The following CSMD1 variants were observed in gnomAD, a reference collection of about 807,000 sequenced individuals.
The protein encoded by CSMD1 is CUB and Sushi multiple domains 1, also known as CUB and sushi domain-containing protein 1.
CSMD1 carries 213 observed loss-of-function variants against 417.5 expected under a neutral mutation model. That is an observed-to-expected ratio of 0.51 (90% CI 0.46 to 0.57). The LOEUF is 0.57. Ranked by LOEUF, CSMD1 falls within the 20% of genes least tolerant of loss-of-function variation. The pLI is 0.00. For missense variants in CSMD1, 6,923 were observed against 4,529.7 expected, an observed-to-expected ratio of 1.53 and a Z score of -15.17; for synonymous variants, 2,862 against 1,736.8, an observed-to-expected ratio of 1.65 and a Z score of -16.11.
intron 26 of CSMD1, among the ~76,000 whole-genome samples, chr8:3,257,425 A>G (rs995122023): frequency 2.6e-5 from 4 of 152,238 alleles, no homozygotes; most frequent in Non-Finnish European, 5.9e-5. Context: ...TGGAGGTTAG[A>G]TTCTCAAGGG....
At chr8:3,357,607 C>G (rs1808877885) in intron 21 of CSMD1, among the ~76,000 whole-genome samples, 1 of 152,116 alleles carries the variant, frequency 6.6e-6, no homozygotes, top group South Asian at 2.1e-4. Flanking sequence ...TTTAATGGGT[C>G]TTAATCATTA....
chr8:3,351,729 A>T (rs182312173), intron 21 of CSMD1, among the ~76,000 whole-genome samples: 1 of 147,194 alleles, frequency 6.8e-6, no homozygotes, highest in South Asian at 2.1e-4. Flanking sequence ...AATCAAATAT[A>T]TATTTAATAT....
chr8:4,787,612 C>T (rs940175074), intron 1 of CSMD1: 23 of 1,554,610 alleles, frequency 1.5e-5, no homozygotes, highest in Non-Finnish European at 1.9e-5. Context: ...AATGGGTTTG[C>T]AGAAGAATAG....
At chr8:4,346,832 G>A (rs1035046343) in intron 3 of CSMD1, among the ~76,000 whole-genome samples, 1 of 152,202 alleles carries the variant, frequency 6.6e-6, no homozygotes, top group African/African-American at 2.4e-5. Context: ...CAAGGGGATT[G>A]AGACTGAGGG....
chr8:4,273,602 T>C (rs1383612819), intron 3 of CSMD1, among the ~76,000 whole-genome samples: 6 of 152,200 alleles, frequency 3.9e-5, no homozygotes, highest in African/African-American at 1.2e-4. Context: ...TCATTTGAAA[T>C]TCAAATTAAA....
intron 3 of CSMD1, among the ~76,000 whole-genome samples, chr8:4,107,140 C>A (rs569192546): frequency 7.9e-5 from 12 of 152,264 alleles, no homozygotes; most frequent in South Asian, 6.2e-4. Context: ...AGTACTGGTT[C>A]TACTACACAC....
At chr8:4,897,297 A>C (rs191814616) in intron 1 of CSMD1, among the ~76,000 whole-genome samples, 26 of 152,232 alleles carry the variant, frequency 1.7e-4, no homozygotes, top group Middle Eastern at 3.4e-3. Flanking sequence ...TAAGAAAAAA[A>C]CGGAAAAAAT....
intron 8 of CSMD1, among the ~76,000 whole-genome samples, chr8:3,600,202 G>A (rs1196932278): frequency 1.3e-5 from 2 of 152,160 alleles, no homozygotes; most frequent in Non-Finnish European, 2.9e-5. Context: ...ATCTTTCCAG[G>A]TATCTGTCTG....
At chr8:3,675,022 C>A (rs1257323843) in intron 7 of CSMD1, among the ~76,000 whole-genome samples, 1 of 152,182 alleles carries the variant, frequency 6.6e-6, no homozygotes, top group South Asian at 2.1e-4. Flanking sequence ...CCCAGTGATG[C>A]AGGGATTTAG....
intron 3 of CSMD1, among the ~76,000 whole-genome samples, chr8:4,417,959 G>A (rs182935520): frequency 5.9e-5 from 9 of 151,962 alleles, no homozygotes; most frequent in Admixed American, 4.6e-4. Flanking sequence ...TTCTACTCTA[G>A]ATTATCTTAC....
At chr8:4,615,915 G>C (rs917822499) in intron 2 of CSMD1, among the ~76,000 whole-genome samples, 11 of 151,686 alleles carry the variant, frequency 7.3e-5, no homozygotes, top group Non-Finnish European at 1.5e-5. Flanking sequence ...CTATTTGTTT[G>C]TACAGTGCCC....
chr8:4,821,701 A>G (rs945487324), intron 1 of CSMD1, among the ~76,000 whole-genome samples: 2 of 152,164 alleles, frequency 1.3e-5, no homozygotes, highest in African/African-American at 4.8e-5. Flanking sequence ...AGCCCTATTC[A>G]TTTTGGTTGA....
chr8:4,063,079 G>T (rs750350285), intron 3 of CSMD1, among the ~76,000 whole-genome samples: 2 of 152,056 alleles, frequency 1.3e-5, no homozygotes, highest in South Asian at 2.1e-4. Context: ...GAAGAAAAAC[G>T]TTCTAATGTT....
At chr8:4,842,867 G>C (rs994198536) in intron 1 of CSMD1, among the ~76,000 whole-genome samples, 3 of 152,066 alleles carry the variant, frequency 2.0e-5, no homozygotes, top group Admixed American at 6.5e-5. Flanking sequence ...ACGCTTAAAG[G>C]CTTATCAATA....
intron 2 of CSMD1, among the ~76,000 whole-genome samples, chr8:4,504,917 A>T (rs1296945610): frequency 6.6e-6 from 1 of 152,170 alleles, no homozygotes; most frequent in Non-Finnish European, 1.5e-5. Flanking sequence ...AGTCTTTGTT[A>T]TTGTAAACAG....
chr8:4,926,114 T>G (rs1294773653), intron 1 of CSMD1, among the ~76,000 whole-genome samples: 4 of 152,206 alleles, frequency 2.6e-5, no homozygotes, highest in Non-Finnish European at 4.4e-5. Context: ...AGAACATATT[T>G]TATCAATGCC....
At chr8:4,880,972 T>C (rs1803359050) in intron 1 of CSMD1, among the ~76,000 whole-genome samples, 1 of 152,156 alleles carries the variant, frequency 6.6e-6, no homozygotes, top group Non-Finnish European at 1.5e-5. Context: ...ATGTTCTCAC[T>C]ATTTCTGAAA....
chr8:4,105,449 GT>G (rs1211363273), intron 3 of CSMD1, among the ~76,000 whole-genome samples: 2 of 152,148 alleles, frequency 1.3e-5, no homozygotes, highest in African/African-American at 4.8e-5. Flanking sequence ...CATTAATGAT[GT>G]ATTCATTCAG....
chr8:4,690,952 C>G (rs1233266919), intron 1 of CSMD1, among the ~76,000 whole-genome samples: 2 of 152,154 alleles, frequency 1.3e-5, no homozygotes, highest in Non-Finnish European at 2.9e-5. Context: ...TGGTCTTGCT[C>G]TCTTGAGCTC....
Sources: gnomAD v4.1 joint callset for allele counts (sites outside exome capture counted in the v4.1 genomes callset) on GRCh38, gnomAD v4.1.1 for gene constraint, MANE v1.5 for transcripts, NCBI Gene and HGNC (gene_info 2026-07-23, HGNC 2026-07-21) for gene names.